SIL1: variants seen among roughly 807,000 people sequenced by gnomAD.
SIL1 encodes SIL1 nucleotide exchange factor, also known as nucleotide exchange factor SIL1.
In SIL1, 40 loss-of-function variants were observed where a neutral mutation model predicts 49.1. The ratio of observed to expected loss-of-function variants is 0.81; its 90% CI spans 0.63 to 1.06. The LOEUF is 1.06. SIL1 is among the 50% of genes least tolerant of loss of function. The pLI is 0.00. For missense variants in SIL1, 500 were observed against 572.6 expected (o/e 0.87, Z 1.29); for synonymous variants, 253 against 250.8 (o/e 1.01, Z -0.08).
intron 7 of SIL1, among the ~76,000 whole-genome samples, chr5:139,015,215 A>C (rs945727446): frequency 6.6e-6 from 1 of 152,236 alleles, no homozygotes; most frequent in Non-Finnish European, 1.5e-5. Flanking sequence ...AGACAGCAGA[A>C]TAAAGATAGA....
rs199986134 is a variant in SIL1, at chr5:139,194,495, C to T, written c.-11+3774G>A. ...CTTTAGTCTACGTATAATTAAAATACAAGACTCTCTGCTGTAGAAGACTAA... is the reference window on the plus strand; with the variant it reads ...CTTTAGTCTACGTATAATTAAAATATAAGACTCTCTGCTGTAGAAGACTAA... On this transcript the variant is annotated intron_variant, in intron 1 of 9. Coordinates refer to ENST00000394817, the MANE Select transcript of SIL1 (RefSeq NM_022464.5). 2.6e-5 allele frequency among the ~76,000 whole-genome samples: 4 copies of T among 152,156 alleles called. No homozygotes were observed. In the East Asian group the frequency reaches 7.7e-4, roughly 29 times the overall value.
intron 6 of SIL1, among the ~76,000 whole-genome samples, chr5:139,025,020 AT>A (rs1768612933): frequency 6.6e-6 from 1 of 152,052 alleles, no homozygotes; most frequent in Non-Finnish European, 1.5e-5. Flanking sequence ...CATAGTTTCT[AT>A]TTTTCTACAG....
intron 3 of SIL1, among the ~76,000 whole-genome samples, chr5:139,082,165 C>G (rs1770095318): frequency 6.6e-6 from 1 of 152,176 alleles, no homozygotes; most frequent in Non-Finnish European, 1.5e-5. Context: ...ACAACTAGTA[C>G]AATTCGACAA....
intron 3 of SIL1, among the ~76,000 whole-genome samples, chr5:139,092,283 G>A (rs1770359434): frequency 6.6e-6 from 1 of 152,080 alleles, no homozygotes; most frequent in Admixed American, 6.5e-5. Flanking sequence ...TAAACTGGAT[G>A]ACCTTGAAAA....
chr5:139,075,213 C>T (rs1231859328), intron 3 of SIL1, among the ~76,000 whole-genome samples: 6 of 152,178 alleles, frequency 3.9e-5, no homozygotes, highest in Admixed American at 1.3e-4. Context: ...AAGCACTATC[C>T]ACAGAAACCT....
chr5:139,170,105 G>C (rs1751718205), intron 1 of SIL1, among the ~76,000 whole-genome samples: 1 of 152,254 alleles, frequency 6.6e-6, no homozygotes, highest in Non-Finnish European at 1.5e-5. Flanking sequence ...CTAACCGCGA[G>C]TGATCCGCCA....
At chr5:139,103,298 C>T (rs1332958198) in intron 3 of SIL1, among the ~76,000 whole-genome samples, 3 of 152,224 alleles carry the variant, frequency 2.0e-5, no homozygotes, top group African/African-American at 7.2e-5. Flanking sequence ...TGCACCACAG[C>T]AAGTATTCCT....
intron 3 of SIL1, among the ~76,000 whole-genome samples, chr5:139,103,426 G>A (rs563622217): frequency 2.0e-5 from 3 of 152,346 alleles, no homozygotes; most frequent in African/African-American, 7.2e-5. Flanking sequence ...TGGAGAATCA[G>A]AGAGAATGAA....
At chr5:138,985,801 G>A (rs897831303) in intron 7 of SIL1, among the ~76,000 whole-genome samples, 1 of 152,156 alleles carries the variant, frequency 6.6e-6, no homozygotes, top group Non-Finnish European at 1.5e-5. Context: ...CCCACCCCAT[G>A]GCCATGGCTA....
At chr5:139,014,533 C>T (rs1768358562) in intron 7 of SIL1, among the ~76,000 whole-genome samples, 1 of 152,122 alleles carries the variant, frequency 6.6e-6, no homozygotes, top group Non-Finnish European at 1.5e-5. Flanking sequence ...GTGGAGAAGG[C>T]AGAGGTACAT....
chr5:138,971,071 T>C (rs979006373), intron 7 of SIL1, among the ~76,000 whole-genome samples: 4 of 152,114 alleles, frequency 2.6e-5, no homozygotes, highest in African/African-American at 9.7e-5. Context: ...AGGTGGGGCA[T>C]AAAGATTAAC....
At chr5:138,953,725 G>A (rs959001647) in intron 7 of SIL1, among the ~76,000 whole-genome samples, 28 of 152,340 alleles carry the variant, frequency 1.8e-4, no homozygotes, top group Admixed American at 1.5e-3. Context: ...TTTCATCAAA[G>A]CATGAGCTAA....
intron 5 of SIL1, among the ~76,000 whole-genome samples, chr5:139,029,568 C>G (rs1020552910): frequency 6.6e-6 from 1 of 151,954 alleles, no homozygotes; most frequent in African/African-American, 2.4e-5. Context: ...GTGGTACAAT[C>G]ACAGCTCGCT....
intron 7 of SIL1, among the ~76,000 whole-genome samples, chr5:138,980,132 G>C (rs1767483488): frequency 6.6e-6 from 1 of 152,228 alleles, no homozygotes; most frequent in Non-Finnish European, 1.5e-5. Flanking sequence ...ACAGGAAGCG[G>C]TTATACTGAG....
intron 3 of SIL1, among the ~76,000 whole-genome samples, chr5:139,057,412 T>G (rs1474488832): frequency 6.6e-6 from 1 of 151,362 alleles, no homozygotes; most frequent in Non-Finnish European, 1.5e-5. Flanking sequence ...GGGCTTCATG[T>G]GCACATGGTT....
At chr5:139,118,975 C>A (rs775393641) in intron 3 of SIL1, among the ~76,000 whole-genome samples, 1 of 152,198 alleles carries the variant, frequency 6.6e-6, no homozygotes, top group East Asian at 1.9e-4. Flanking sequence ...ATGGGGCAGG[C>A]ATGACCGGAA....
rs572107926 is a variant in SIL1 at position 139,184,624 on chromosome 5, G to A, written c.-11+13645C>T. On this transcript the variant is annotated intron_variant, in intron 1 of 9. Coordinates refer to ENST00000394817, the MANE Select transcript of SIL1 (RefSeq NM_022464.5). ...AGATTTTGAGGTTGCAGTGAGCTACGATCACACCACTGTTACTCCAGCCTG... is the reference window on the plus strand; with the variant it reads ...AGATTTTGAGGTTGCAGTGAGCTACAATCACACCACTGTTACTCCAGCCTG... Among the ~76,000 whole-genome samples, 7 of 152,210 alleles carry A rather than the reference G, an allele frequency of 4.6e-5. No individual in the cohort carries two copies. The East Asian group carries it at 9.6e-4, about 21-fold the overall frequency.
At position 139,138,362 on chromosome 5, in the gene SIL1, T is replaced by C. The variant is rs1336922834; in HGVS notation, c.-10-10509A>G. On this transcript the variant is annotated intron_variant, in intron 1 of 9. Coordinates refer to ENST00000394817, the MANE Select transcript of SIL1 (RefSeq NM_022464.5). ...ATGAATCAGAGGAATACTCAGGTCC[T>C]AGTCTGTACTTTCCAGTAGGTCCTA... is the stretch of plus-strand genomic sequence containing the variant. Among the ~76,000 whole-genome samples, 6 of 152,218 alleles carry C rather than the reference T, an allele frequency of 3.9e-5. No individual in the cohort carries two copies. In the South Asian group the frequency reaches 1.2e-3, roughly 31 times the overall value.
At chr5:138,967,843 AATT>A (rs1193113686) in intron 7 of SIL1, among the ~76,000 whole-genome samples, 1 of 151,958 alleles carries the variant, frequency 6.6e-6, no homozygotes, top group Non-Finnish European at 1.5e-5. Flanking sequence ...TTGAGGAAAA[AATT>A]ACCAGCAATT....
Sources: allele counts gnomAD v4.1 joint callset (sites outside exome capture counted in the v4.1 genomes callset), GRCh38; gene constraint gnomAD v4.1.1; transcripts MANE v1.5; gene names NCBI Gene and HGNC (gene_info 2026-07-23, HGNC 2026-07-21).